The following PPARG variants were observed in gnomAD, a reference collection of about 807,000 sequenced individuals.
PPARG encodes the protein peroxisome proliferator activated receptor gamma.
In PPARG, 17 loss-of-function variants were observed where a neutral mutation model predicts 39.2. That is an observed-to-expected ratio of 0.43 (90% CI 0.30 to 0.65). PPARG has a LOEUF of 0.65. PPARG is among the 30% of genes least tolerant of loss of function. PPARG has a pLI of 0.13. For synonymous variants in PPARG, 223 were observed against 215.7 expected (o/e 1.03, Z -0.30); for missense variants, 406 against 585.9 (o/e 0.69, Z 3.17).
chr3:12,393,428 G>C (rs1160783954), intron 5 of PPARG, among the ~76,000 whole-genome samples: 1 of 152,066 alleles, frequency 6.6e-6, no homozygotes, highest in Non-Finnish European at 1.5e-5. Flanking sequence ...TAGAAGACCT[G>C]AGAAAAGACC....
chr3:12,338,223 G>T (rs1391031877), intron 2 of PPARG, among the ~76,000 whole-genome samples: 2 of 152,168 alleles, frequency 1.3e-5, no homozygotes, highest in Non-Finnish European at 1.5e-5. Context: ...ATGATGAAAG[G>T]CTCAATGAGA....
At chr3:12,326,337 G>A (rs150277551) in intron 2 of PPARG, among the ~76,000 whole-genome samples, 16 of 152,234 alleles carry the variant, frequency 1.1e-4, no homozygotes, top group Non-Finnish European at 1.9e-4. Flanking sequence ...CACAATATGC[G>A]TTTTCCAGAC....
At chr3:12,309,027 G>A (rs1463331025) in intron 1 of PPARG, among the ~76,000 whole-genome samples, 1 of 152,166 alleles carries the variant, frequency 6.6e-6, no homozygotes, top group African/African-American at 2.4e-5. Flanking sequence ...TACAAGGTTT[G>A]CAGAGTACAT....
intron 1 of PPARG, chr3:12,301,850 G>A (rs1181770152): frequency 6.6e-6 from 1 of 152,132 alleles, no homozygotes; most frequent in Non-Finnish European, 1.5e-5. Flanking sequence ...ACTGAAACAG[G>A]TTTGAGGCTT....
At chr3:12,338,810 C>A (rs989320447) in intron 2 of PPARG, among the ~76,000 whole-genome samples, 2 of 152,004 alleles carry the variant, frequency 1.3e-5, no homozygotes, top group Non-Finnish European at 2.9e-5. Flanking sequence ...AAAAGTTTAC[C>A]TTTGTTCTTC....
chr3:12,431,587 G>A (rs2051661727), intron 7 of PPARG, among the ~76,000 whole-genome samples: 1 of 151,982 alleles, frequency 6.6e-6, no homozygotes, highest in Non-Finnish European at 1.5e-5. Flanking sequence ...TTTTAAAAAA[G>A]CAAAAAATAG....
intron 4 of PPARG, among the ~76,000 whole-genome samples, chr3:12,386,331 G>T (rs2049872010): frequency 6.6e-6 from 1 of 152,072 alleles, no homozygotes; most frequent in South Asian, 2.1e-4. Flanking sequence ...AAAAGTAAAA[G>T]CAAGTTCCAA....
chr3:12,399,275 A>G, intron 5 of PPARG: 1 of 448,592 alleles, frequency 2.2e-6, no homozygotes, highest in Non-Finnish European at 4.5e-6. Context: ...CTCTACAAAT[A>G]GTGTGAAAAA....
At chr3:12,373,947 C>T (rs1421289742) in intron 2 of PPARG, among the ~76,000 whole-genome samples, 3 of 152,130 alleles carry the variant, frequency 2.0e-5, no homozygotes, top group Admixed American at 6.6e-5. Context: ...GATACAGCAG[C>T]CTCAGTAACC....
chr3:12,404,664 C>T (rs922628451), intron 5 of PPARG, among the ~76,000 whole-genome samples: 2 of 152,114 alleles, frequency 1.3e-5, no homozygotes, highest in African/African-American at 2.4e-5. Context: ...CTGAGCCAGG[C>T]ATGGTGGCCC....
At chr3:12,339,210 C>T (rs1252512794) in intron 2 of PPARG, among the ~76,000 whole-genome samples, 1 of 152,050 alleles carries the variant, frequency 6.6e-6, no homozygotes, top group African/African-American at 2.4e-5. Context: ...CACATGAGAC[C>T]ATATATCATA....
At chr3:12,299,522 T>C (rs930932637) in intron 1 of PPARG, among the ~76,000 whole-genome samples, 3 of 152,188 alleles carry the variant, frequency 2.0e-5, no homozygotes, top group Admixed American at 1.3e-4. Flanking sequence ...ATATTTATAA[T>C]TTCTGTCTCA....
chr3:12,422,161 A>G (rs1422255573), intron 7 of PPARG, among the ~76,000 whole-genome samples: 1 of 152,254 alleles, frequency 6.6e-6, no homozygotes, highest in Non-Finnish European at 1.5e-5. Context: ...AAGTTATTCA[A>G]TAAATGCTTG....
intron 2 of PPARG, among the ~76,000 whole-genome samples, chr3:12,376,682 T>TGCTTG (rs2049425120): frequency 6.6e-6 from 1 of 152,190 alleles, no homozygotes; most frequent in Non-Finnish European, 1.5e-5. Context: ...AGGTAGGATG[T>TGCTTG]ACCGGGCACA....
intron 6 of PPARG, among the ~76,000 whole-genome samples, chr3:12,415,074 G>A (rs980985523): frequency 2.6e-5 from 4 of 152,140 alleles, no homozygotes; most frequent in African/African-American, 4.8e-5. Flanking sequence ...TCTTGAAGCC[G>A]GCTGCCACGG....
chr3:12,378,745 A>G (rs1258847774), intron 2 of PPARG, among the ~76,000 whole-genome samples: 1 of 152,162 alleles, frequency 6.6e-6, no homozygotes, highest in Non-Finnish European at 1.5e-5. Flanking sequence ...TAAGGTGATC[A>G]TCTGCTAAGT....
intron 1 of PPARG, among the ~76,000 whole-genome samples, chr3:12,307,818 T>G (rs566497351): frequency 1.3e-5 from 2 of 152,346 alleles, no homozygotes; most frequent in East Asian, 3.9e-4. Flanking sequence ...AAGGAATTTC[T>G]TTTAATTTTG....
intron 1 of PPARG, among the ~76,000 whole-genome samples, chr3:12,296,714 T>G (rs6808179): frequency 0.29 from 43,500 of 152,112 alleles, 6,424 homozygotes; most frequent in East Asian, 0.49. Context: ...ACACTGGTTC[T>G]TTTTAGCTTA....
At chr3:12,315,428 G>A (rs1475618064) in intron 2 of PPARG, among the ~76,000 whole-genome samples, 1 of 152,150 alleles carries the variant, frequency 6.6e-6, no homozygotes, top group Admixed American at 6.5e-5. Context: ...TGTGGTAACT[G>A]GGGGGAAGCT....
Sources: gnomAD v4.1 joint callset for allele counts (sites outside exome capture counted in the v4.1 genomes callset) on GRCh38, gnomAD v4.1.1 for gene constraint, MANE v1.5 for transcripts, NCBI Gene and HGNC (gene_info 2026-07-23, HGNC 2026-07-21) for gene names.